Variants in OCA2 observed in about 807,000 individuals in gnomAD.
OCA2 encodes P protein.
In OCA2, 77 loss-of-function variants were observed where a neutral mutation model predicts 100.2. The ratio of observed to expected loss-of-function variants is 0.77; its 90% CI spans 0.64 to 0.93. The LOEUF is 0.93. Among genes scored for constraint, OCA2 ranks in the 40% least tolerant of loss-of-function variants. OCA2 has a pLI of 0.00. For missense variants in OCA2, 1,062 were observed against 1,089.1 expected, an observed-to-expected ratio of 0.98 and a Z score of 0.35; for synonymous variants, 432 against 439.2, an observed-to-expected ratio of 0.98 and a Z score of 0.21.
At chr15:27,933,547 C>A (rs2039338071) in intron 18 of OCA2, among the ~76,000 whole-genome samples, 1 of 152,120 alleles carries the variant, frequency 6.6e-6, no homozygotes, top group Admixed American at 6.5e-5. Flanking sequence ...TGCAGGCGAG[C>A]TGAGTTCGAA....
At chr15:27,939,667 G>A (rs2218679) in intron 18 of OCA2, among the ~76,000 whole-genome samples, 75,180 of 152,102 alleles carry the variant, frequency 0.49, 22,829 homozygotes, top group African/African-American at 0.8. Flanking sequence ...AATCAGGTTC[G>A]TTATCACAGA....
chr15:27,964,324 T>C (rs553104756), intron 15 of OCA2, among the ~76,000 whole-genome samples: 1 of 152,294 alleles, frequency 6.6e-6, no homozygotes, highest in African/African-American at 2.4e-5. Flanking sequence ...CTAAACAAAG[T>C]ATTAGCAAGA....
At chr15:27,925,930 C>G (rs559312737) in intron 19 of OCA2, among the ~76,000 whole-genome samples, 197 bp downstream of exon 19, 3 of 152,052 alleles carry the variant, frequency 2.0e-5, no homozygotes, top group African/African-American at 7.3e-5. Flanking sequence ...AAAACAAATA[C>G]GCAGTGCTGT....
rs370923439 is a variant in OCA2 at position 27,990,675 on chromosome 15, G to A, written c.1045-28C>T. 3.3e-5 allele frequency: 53 copies of A among 1,601,688 alleles called. No individual in the cohort carries two copies. The Middle Eastern group carries it at 5.0e-4, about 15-fold the overall frequency. On this transcript the variant is annotated intron_variant, in intron 9 of 23. Transcript: ENST00000354638. ...GGAAAGAAGCACAGGAAATTACCGC[G>A]TTCCAGTGCACGAGGGAGTTAGCAC... is the stretch of plus-strand genomic sequence containing the variant.
At chr15:27,914,403 GA>G (rs1428722037) in intron 19 of OCA2, among the ~76,000 whole-genome samples, 1 of 152,112 alleles carries the variant, frequency 6.6e-6, no homozygotes, top group Non-Finnish European at 1.5e-5. Context: ...ATCCAAATAG[GA>G]AGAGAGGAAG....
At chr15:27,983,576 A>T (rs1567190838) in intron 13 of OCA2, 93 bp from the exon 14 acceptor site, 2 of 1,370,740 alleles carry the variant, frequency 1.5e-6, no homozygotes, top group Non-Finnish European at 2.1e-6. Flanking sequence ...GCTTGCTCGT[A>T]TAAGGGAGGC....
At chr15:28,038,385 T>A (rs1217183902) in intron 2 of OCA2, among the ~76,000 whole-genome samples, 1 of 151,958 alleles carries the variant, frequency 6.6e-6, no homozygotes, top group Non-Finnish European at 1.5e-5. Context: ...CCTCTGGGAG[T>A]CTGGCATCAT....
At chr15:27,919,882 G>A (rs1051587660) in intron 19 of OCA2, among the ~76,000 whole-genome samples, 2 of 152,108 alleles carry the variant, frequency 1.3e-5, no homozygotes, top group Non-Finnish European at 2.9e-5. Flanking sequence ...TGTGGGGGTT[G>A]GAGTATATGG....
the OCA2 span, among the ~76,000 whole-genome samples, chr15:27,741,093 A>G: frequency 3.3e-5 from 5 of 152,230 alleles, no homozygotes; most frequent in Admixed American, 3.3e-4. Flanking sequence ...CACAGCTCTT[A>G]TCTCAGGCCT....
intron 19 of OCA2, among the ~76,000 whole-genome samples, chr15:27,913,889 A>AAGAAAG (rs2038535577): frequency 2.0e-5 from 1 of 49,796 alleles, no homozygotes; most frequent in African/African-American, 8.6e-5. Flanking sequence ...GAAAGAAAGA[A>AAGAAAG]AGAAAGCAAG....
intron 14 of OCA2, among the ~76,000 whole-genome samples, chr15:27,970,346 G>C (rs1234936205): frequency 5.9e-5 from 9 of 152,134 alleles, no homozygotes; most frequent in Admixed American, 5.9e-4. Flanking sequence ...AGGCAGAGCA[G>C]GGCCCACAAG....
chr15:27,803,316 G>C (rs913151720), intron 23 of OCA2, among the ~76,000 whole-genome samples: 1 of 152,150 alleles, frequency 6.6e-6, no homozygotes, highest in Admixed American at 6.5e-5. Context: ...ATAGCCAAAA[G>C]GTGGAAGCAA....
intron 23 of OCA2, among the ~76,000 whole-genome samples, chr15:27,781,742 A>C (rs1487471625): frequency 1.3e-5 from 2 of 152,362 alleles, no homozygotes; most frequent in African/African-American, 4.8e-5. Context: ...CATATCAGAG[A>C]GTAAAGCCAT....
chr15:27,864,715 T>G (rs1418639680), intron 21 of OCA2, among the ~76,000 whole-genome samples: 2 of 152,192 alleles, frequency 1.3e-5, no homozygotes, highest in African/African-American at 4.8e-5. Flanking sequence ...AGCCTTTGAA[T>G]TCAACATTCA....
the OCA2 span, among the ~76,000 whole-genome samples, chr15:27,721,163 C>T: frequency 6.6e-6 from 1 of 152,232 alleles, no homozygotes; most frequent in Admixed American, 6.5e-5. Flanking sequence ...TTTTAAATTT[C>T]GCTTCTTTAA....
At position 27,972,356 on chromosome 15, in the gene OCA2, T is replaced by TA. The variant is rs200794854; in HGVS notation, c.1504-5535dup. On this transcript the variant is annotated intron_variant, in intron 14 of 23. Transcript: ENST00000354638. Reference sequence around the variant, plus strand: ...ATATAATGACTTCTTTTCCTTTGGGTAGATACCCAGTGACTGGATTGCTGG... The same window carrying TA: ...ATATAATGACTTCTTTTCCTTTGGGTAAGATACCCAGTGACTGGATTGCTGG... Among the ~76,000 whole-genome samples the TA allele has an allele frequency of 7.3e-3, 1,108 of 152,306 alleles. 21 individuals carry two copies. Among genetic ancestry groups the TA allele is most frequent in the African/African-American group, 0.025 (1,024 of 41,562 alleles).
At chr15:27,988,852 G>T (rs889216933) in intron 11 of OCA2, among the ~76,000 whole-genome samples, 3 of 152,164 alleles carry the variant, frequency 2.0e-5, no homozygotes, top group Non-Finnish European at 2.9e-5. Flanking sequence ...ACCCACAGAG[G>T]ATGGCGGCAC....
rs867949945 is a variant in OCA2, at chr15:27,871,941, G to A, written c.2080-19C>T. On this transcript the variant is annotated intron_variant, in intron 19 of 23. Transcript: ENST00000354638. ...CCAATGCCTAGAAGAAAGGATGTGTGGTGAGAATCAGTTTAGAACCGAAAA... is the reference window on the plus strand; with the variant it reads ...CCAATGCCTAGAAGAAAGGATGTGTAGTGAGAATCAGTTTAGAACCGAAAA... 1 of 1,590,358 alleles carries A rather than the reference G, an allele frequency of 6.3e-7. No individual in the cohort carries two copies. Among genetic ancestry groups the A allele is most frequent in the Non-Finnish European group, 8.6e-7 (1 of 1,159,492 alleles).
At chr15:27,721,489 A>G in the OCA2 span, among the ~76,000 whole-genome samples, 1 of 152,380 alleles carries the variant, frequency 6.6e-6, no homozygotes, top group African/African-American at 2.4e-5. Context: ...AAATAGAATT[A>G]TATCATAGAA....
Sources: gnomAD v4.1 joint callset for allele counts (sites outside exome capture counted in the v4.1 genomes callset) on GRCh38, gnomAD v4.1.1 for gene constraint, MANE v1.5 for transcripts, NCBI Gene and HGNC (gene_info 2026-07-23, HGNC 2026-07-21) for gene names.